CACNA1E: variants seen among roughly 807,000 people sequenced by gnomAD.
CACNA1E encodes voltage-dependent R-type calcium channel subunit alpha-1E.
A neutral mutation model predicts 259.2 loss-of-function variants in CACNA1E; 40 were observed. The ratio of observed to expected loss-of-function variants is 0.15; its 90% confidence interval spans 0.12 to 0.20. The LOEUF (loss-of-function observed/expected upper bound fraction) is 0.20. CACNA1E is among the 10% of genes least tolerant of loss of function. CACNA1E has a pLI of 1.00. For synonymous variants in CACNA1E, 1,104 were observed against 1,138.5 expected, an observed-to-expected ratio of 0.97 and a Z score of 0.61; for missense variants, 1,874 against 3,040.1, an observed-to-expected ratio of 0.62 and a Z score of 9.02.
At chr1:181,533,737 T>C (rs1455877262) in intron 3 of CACNA1E, among the ~76,000 whole-genome samples, 1 of 152,136 alleles carries the variant, frequency 6.6e-6, no homozygotes, top group Non-Finnish European at 1.5e-5. Context: ...ATATATTTTA[T>C]ACCCTATTAT....
At chr1:181,463,455 C>G (rs1661952580) in intron 2 of CACNA1E, among the ~76,000 whole-genome samples, 1 of 152,056 alleles carries the variant, frequency 6.6e-6, no homozygotes, top group Non-Finnish European at 1.5e-5. Context: ...ACTCCCATTT[C>G]TATATATCTT....
intron 7 of CACNA1E, among the ~76,000 whole-genome samples, chr1:181,677,537 A>G (rs1649501369): frequency 6.6e-6 from 1 of 152,214 alleles, no homozygotes; most frequent in African/African-American, 2.4e-5. Flanking sequence ...AATTATGTTC[A>G]TAGTACACTT....
At chr1:181,335,845 C>T (rs972529400) in intron 1 of CACNA1E, among the ~76,000 whole-genome samples, 1 of 152,200 alleles carries the variant, frequency 6.6e-6, no homozygotes, top group African/African-American at 2.4e-5. Context: ...CACCCTGGAG[C>T]CTTTCCGCAG....
At chr1:181,708,896 G>T (rs770421282) in intron 7 of CACNA1E, among the ~76,000 whole-genome samples, 51 of 152,334 alleles carry the variant, frequency 3.3e-4, no homozygotes, top group Non-Finnish European at 6.6e-4. Context: ...GAAGTGGTAA[G>T]ATCCAGTGAA....
At chr1:181,479,324 C>T (rs2102445400), upstream of CACNA1E, among the ~76,000 whole-genome samples, 1 of 152,250 alleles carries the variant, frequency 6.6e-6, no homozygotes, top group East Asian at 1.9e-4. Context: ...CACTCGTGCT[C>T]AGTGACCAGT....
Position 181,598,496 on chromosome 1 carries a change from C to T in CACNA1E, c.951+17720C>T, listed in dbSNP as rs536217063. Among the ~76,000 whole-genome samples, 4 of 151,942 alleles carry T rather than the reference C, an allele frequency of 2.6e-5. No individual in the cohort carries two copies. In the East Asian group the frequency reaches 5.8e-4, roughly 22 times the overall value. On this transcript the variant is annotated intron_variant, in intron 6 of 47. Coordinates refer to ENST00000367573, the MANE Select transcript of CACNA1E (RefSeq NM_001205293.3). ...TGGTGGAGGTATGACATTTGTGTGC[C>T]GTGTTGAGGAAGTGGCCACAATAAA... is the stretch of plus-strand genomic sequence containing the variant.
intron 1 of CACNA1E, among the ~76,000 whole-genome samples, chr1:181,410,223 T>C (rs1470408925): frequency 6.6e-6 from 1 of 152,156 alleles, no homozygotes; most frequent in Non-Finnish European, 1.5e-5. Flanking sequence ...TGAGACAGAA[T>C]GACAACGTGA....
In CACNA1E at chr1:181,684,339, C is replaced by T. The variant is rs115802623; in HGVS notation, c.1056-26615C>T. The stretch of plus-strand genomic sequence containing the variant: ...ATTTTTAAAGGGCTTGTTTGGTTTT[C>T]ACTGTTGATTTAAGTTTCTTATAGA... On this transcript the variant is annotated intron_variant, in intron 7 of 47. Coordinates refer to ENST00000367573, the MANE Select transcript of CACNA1E (RefSeq NM_001205293.3). Among the ~76,000 whole-genome samples the T allele has an allele frequency of 9.5e-3, 1,448 of 151,842 alleles. 55 individuals are homozygous for T. The South Asian group carries it at 0.13, about 13-fold the overall frequency.
intron 6 of CACNA1E, among the ~76,000 whole-genome samples, chr1:181,623,955 G>A (rs1308032600): frequency 6.6e-6 from 1 of 152,154 alleles, no homozygotes; most frequent in Non-Finnish European, 1.5e-5. Flanking sequence ...ATAAAGAAAA[G>A]CTTTTTATTT....
At chr1:181,709,195 T>A (rs1653090000) in intron 7 of CACNA1E, among the ~76,000 whole-genome samples, 1 of 152,220 alleles carries the variant, frequency 6.6e-6, no homozygotes, top group Non-Finnish European at 1.5e-5. Flanking sequence ...AGCCCCTTGT[T>A]ACTTTCAAAT....
In CACNA1E at chr1:181,350,090, A is replaced by T. The variant is rs575481613; in HGVS notation, c.-15+31967A>T. ...AGCTGCCTTGGAGCTGCTTGTGTTT[A>T]TTGGGGGAAATTTAGTGGGCTCTTA... On this transcript the variant is annotated intron_variant, in intron 1 of 11. Transcript: ENST00000524607. Among the ~76,000 whole-genome samples the T allele has an allele frequency of 1.2e-3, 187 of 152,172 alleles. 1 individual carries two copies. Among genetic ancestry groups the T allele is most frequent in the African/African-American group, 4.3e-3 (179 of 41,516 alleles).
At chr1:181,343,872 G>A (rs1342127014) in intron 1 of CACNA1E, among the ~76,000 whole-genome samples, 1 of 151,912 alleles carries the variant, frequency 6.6e-6, no homozygotes. Flanking sequence ...GTGGCCCCAA[G>A]CCTGTGCCTG....
intron 37 of CACNA1E, among the ~76,000 whole-genome samples, chr1:181,773,671 T>C (rs950449972): frequency 3.3e-5 from 5 of 152,176 alleles, no homozygotes; most frequent in Non-Finnish European, 7.3e-5. Flanking sequence ...TCACCAGTAG[T>C]CAAGGGGTGA....
chr1:181,781,604 G>A (rs1040672834), intron 39 of CACNA1E, 81 bp downstream of exon 39: 1 of 769,670 alleles, frequency 1.3e-6, no homozygotes, highest in Non-Finnish European at 2.3e-6. Context: ...AACATGGGGA[G>A]GAAGCCAGGC....
intron 3 of CACNA1E, among the ~76,000 whole-genome samples, chr1:181,547,736 T>C (rs539177003): frequency 6.6e-6 from 1 of 152,384 alleles, no homozygotes; most frequent in South Asian, 2.1e-4. Flanking sequence ...TCTTATTCAT[T>C]GCATTTGCGA....
At chr1:181,524,702 A>G (rs1270239303) in intron 3 of CACNA1E, among the ~76,000 whole-genome samples, 1 of 152,184 alleles carries the variant, frequency 6.6e-6, no homozygotes, top group Non-Finnish European at 1.5e-5. Flanking sequence ...AGAATAAGGC[A>G]TACTCCTTAA....
In CACNA1E at chr1:181,334,623, C is replaced by G. The variant is rs76934661; in HGVS notation, c.-15+16500C>G. Among the ~76,000 whole-genome samples the G allele has an allele frequency of 9.1e-3, 1,392 of 152,348 alleles. 22 individuals carry two copies. The highest frequency in any genetic ancestry group is 0.03 in the African/African-American group (1,242 of 41,578). The stretch of plus-strand genomic sequence containing the variant: ...ACACCTCTCTTTCACTCCCCACATC[C>G]AATCTGTCAGCAAATCCTGTTGGCT... On this transcript the variant is annotated intron_variant, in intron 1 of 11. Coordinates refer to the CACNA1E transcript ENST00000524607.
intron 7 of CACNA1E, among the ~76,000 whole-genome samples, chr1:181,679,643 A>G (rs1381355350): frequency 6.6e-6 from 1 of 152,104 alleles, no homozygotes; most frequent in Admixed American, 6.5e-5. Flanking sequence ...AAGGCATATT[A>G]CCCATCAGGA....
At chr1:181,342,392 A>G (rs111269160) in intron 1 of CACNA1E, among the ~76,000 whole-genome samples, 3 of 152,334 alleles carry the variant, frequency 2.0e-5, no homozygotes, top group African/African-American at 7.2e-5. Context: ...AGACATATCA[A>G]ACTGCTTGTA....
Sources: gnomAD v4.1 joint callset for allele counts (sites outside exome capture counted in the v4.1 genomes callset) on GRCh38, gnomAD v4.1.1 for gene constraint, MANE v1.5 for transcripts, NCBI Gene and HGNC (gene_info 2026-07-23, HGNC 2026-07-21) for gene names.